SLC7A1: variants seen among roughly 807,000 people sequenced by gnomAD.
SLC7A1 encodes the protein high affinity cationic amino acid transporter 1.
A neutral mutation model predicts 53.9 loss-of-function variants in SLC7A1; 10 were observed. That is an observed-to-expected ratio of 0.19 (90% confidence interval 0.11 to 0.31). SLC7A1 has a LOEUF of 0.31. SLC7A1 is among the 10% of genes least tolerant of loss of function. The pLI, the probability that SLC7A1 is intolerant of heterozygous loss-of-function variation, is 1.00. For missense variants in SLC7A1, 525 were observed against 827.2 expected (o/e 0.63, Z 4.48); for synonymous variants, 342 against 338.7 (o/e 1.01, Z -0.11).
chr13:29,563,152 G>C (rs960412658), intron 1 of SLC7A1, among the ~76,000 whole-genome samples: 2 of 152,228 alleles, frequency 1.3e-5, no homozygotes, highest in African/African-American at 2.4e-5. Context: ...CTCTGTCCCT[G>C]AAGGACATCT....
chr13:29,536,163 A>G lies in SLC7A1; in HGVS notation c.26T>C (p.Ile9Thr), dbSNP rs370398460. ...CTTCCGCCGCAGCATCTGCTGCCCA[A>G]TGTTGAGCAGGACTTTGCACCCCAT... Reference protein sequence around the residue: MGCKVLLNIGQQMLRRKVV... With the variant: MGCKVLLNTGQQMLRRKVV... The change falls in exon 3 of 13, where the codon ATT (isoleucine) becomes ACT (threonine). Residue 9 changes from isoleucine (I) to threonine (T), a missense_variant. By Grantham distance (89) the Ile-to-Thr change is moderately conservative (BLOSUM62 -1). This residue lies in a region of SLC7A1 where 354 missense variants were observed against 587.5 expected (regional missense o/e 0.60). Transcript: ENST00000380752. 2.0e-5 allele frequency: 33 copies of G among 1,613,722 alleles called. No individual in the cohort carries two copies. The highest frequency in any genetic ancestry group is 2.7e-5 in the Non-Finnish European group (32 of 1,179,920).
intron 1 of SLC7A1, among the ~76,000 whole-genome samples, chr13:29,580,635 G>A (rs983894723): frequency 6.6e-6 from 1 of 152,166 alleles, no homozygotes; most frequent in Non-Finnish European, 1.5e-5. Context: ...CTCCAGCAAG[G>A]TGATGAGTGC....
intron 1 of SLC7A1, among the ~76,000 whole-genome samples, chr13:29,573,080 A>G (rs1871268146): frequency 6.6e-6 from 1 of 152,214 alleles, no homozygotes; most frequent in Non-Finnish European, 1.5e-5. Context: ...GAAAAATGTA[A>G]ATGGTTTATT....
intron 1 of SLC7A1, among the ~76,000 whole-genome samples, chr13:29,585,146 C>G (rs1031896054): frequency 6.6e-6 from 1 of 152,210 alleles, no homozygotes; most frequent in East Asian, 1.9e-4. Flanking sequence ...TACTCACTTT[C>G]TTGGGCATCA....
intron 1 of SLC7A1, among the ~76,000 whole-genome samples, chr13:29,564,001 G>A (rs1220557629): frequency 2.6e-5 from 4 of 152,188 alleles, no homozygotes; most frequent in Non-Finnish European, 5.9e-5. Context: ...TAAGCTCGGA[G>A]AGCTGGAAGG....
rs75759022 is a variant in SLC7A1, at chr13:29,517,299, T to C, written c.1522A>G (p.Ile508Val). The C allele has an allele frequency of 2.2e-3, 3,505 of 1,610,986 alleles. 65 individuals are homozygous for C. In the African/African-American group the frequency reaches 0.043, roughly 20 times the overall value. ...ISTSLIAVLI[I>V]TFCIVTVLGR... The stretch of plus-strand genomic sequence containing the variant: ...AGCACGGTCACAATGCAGAAGGTGA[T>C]GATGAGAACAGCTAAGGGGGAAGGA... Residue 508 changes from isoleucine to valine, a missense_variant, in exon 11 of 13, where the codon ATC (isoleucine) becomes GTC (valine). By Grantham distance (29) the Ile-to-Val change is conservative. Coordinates refer to ENST00000380752, the MANE Select transcript of SLC7A1 (RefSeq NM_003045.5).
rs2139052833 is a variant in SLC7A1, at chr13:29,509,913, C to T, written c.*4567G>A. ...TTGAAGCTGAAAGGCACAACTTAAGCAGGAAACTTATCATCTTAAATATAT... is the reference window on the plus strand; with the variant it reads ...TTGAAGCTGAAAGGCACAACTTAAGTAGGAAACTTATCATCTTAAATATAT... On this transcript the variant is annotated 3_prime_UTR_variant, in exon 13 of 13. Coordinates refer to ENST00000380752, the MANE Select transcript of SLC7A1 (RefSeq NM_003045.5). The T allele has an allele frequency of 6.5e-6, 1 of 152,678 alleles. No homozygotes were observed. The highest frequency in any genetic ancestry group is 2.1e-4 in the South Asian group (1 of 4,820). 9.5% of individuals were successfully genotyped at this position (152,678 alleles called of 1,614,324 possible).
At chr13:29,594,859 G>A (rs1448566310) in intron 1 of SLC7A1, among the ~76,000 whole-genome samples, 1 of 152,176 alleles carries the variant, frequency 6.6e-6, no homozygotes, top group Non-Finnish European at 1.5e-5. Flanking sequence ...TGGCAGCAGA[G>A]TCCCTGGGCC....
chr13:29,524,231 C>T lies in SLC7A1; in HGVS notation c.727G>A (p.Gly243Ser), dbSNP rs373123314. ...CCGAAGGGCATGAATCCACCAACACCGGGCTTCCCTTCTTTTGTGTCACTA... is the reference window on the plus strand; with the variant it reads ...CCGAAGGGCATGAATCCACCAACACTGGGCTTCCCTTCTTTTGTGTCACTA... ...LNNDTKEGKP[G>S]VGGFMPFGFS... The change falls in exon 6 of 13, where the codon GGT (glycine) becomes AGT (serine). Residue 243 changes from glycine (G) to serine (S), a missense_variant. By Grantham distance (56) the Gly-to-Ser change is moderately conservative. This residue lies in a region of SLC7A1 where 354 missense variants were observed against 587.5 expected (regional missense o/e 0.60). Coordinates refer to ENST00000380752, the MANE Select transcript of SLC7A1 (RefSeq NM_003045.5). 7 of 1,614,054 alleles carry T rather than the reference C, an allele frequency of 4.3e-6. No individual in the cohort carries two copies. The highest frequency in any genetic ancestry group is 2.2e-5 in the East Asian group (1 of 44,896).
intron 1 of SLC7A1, among the ~76,000 whole-genome samples, chr13:29,583,523 C>T (rs1029768668): frequency 6.6e-6 from 1 of 152,216 alleles, no homozygotes; most frequent in African/African-American, 2.4e-5. Context: ...TGCAGGGTGA[C>T]TCAGCAAGAC....
At chr13:29,592,279 G>A (rs1872143158) in intron 1 of SLC7A1, among the ~76,000 whole-genome samples, 1 of 152,172 alleles carries the variant, frequency 6.6e-6, no homozygotes, top group African/African-American at 2.4e-5. Flanking sequence ...AATAACTAGA[G>A]GAAAAAAGCC....
intron 1 of SLC7A1, among the ~76,000 whole-genome samples, chr13:29,577,459 A>G (rs937933073): frequency 6.6e-6 from 1 of 152,216 alleles, no homozygotes; most frequent in Admixed American, 6.5e-5. Context: ...AAGTGACACT[A>G]ACTGAAGAGT....
At chr13:29,570,623 G>A (rs1252152712) in intron 1 of SLC7A1, among the ~76,000 whole-genome samples, 8 of 152,168 alleles carry the variant, frequency 5.3e-5, no homozygotes, top group African/African-American at 9.7e-5. Context: ...CAAGTCAGGC[G>A]GATGGATGGC....
At chr13:29,572,139 T>TG (rs2139168947) in intron 1 of SLC7A1, among the ~76,000 whole-genome samples, 1 of 152,190 alleles carries the variant, frequency 6.6e-6, no homozygotes, top group African/African-American at 2.4e-5. Context: ...AAAACGCAGG[T>TG]GGTGAGGGTG....
chr13:29,570,622 C>T (rs1259860887), intron 1 of SLC7A1, among the ~76,000 whole-genome samples: 3 of 152,086 alleles, frequency 2.0e-5, no homozygotes, highest in Admixed American at 6.6e-5. Flanking sequence ...CCAAGTCAGG[C>T]GGATGGATGG....
At position 29,519,451 on chromosome 13, in the gene SLC7A1, A is replaced by G. The variant is rs1201833371; in HGVS notation, c.1288T>C (p.Leu430=). ...ACCCCCAAAAGCCATACATACCGTA[A>G]GACCAACACACAGGCAGCCACCAAC... ...YSLVAACVLV[L]RYQPEQPNLV... is the part of the protein sequence containing the mutation. The change falls in exon 9 of 13, where the codon TTA becomes CTA. Residue 430 remains leucine (L), a synonymous_variant. Transcript: ENST00000380752. 1 of 1,603,592 alleles carries G rather than the reference A, an allele frequency of 6.2e-7. No homozygotes were observed. Among genetic ancestry groups the G allele is most frequent in the East Asian group, 2.2e-5 (1 of 44,800 alleles).
intron 1 of SLC7A1, among the ~76,000 whole-genome samples, chr13:29,584,936 C>T (rs538949676): frequency 3.9e-5 from 6 of 152,304 alleles, no homozygotes; most frequent in African/African-American, 7.2e-5. Context: ...GGTTCTTCGT[C>T]GCATCACGCT....
chr13:29,518,829 C>T (rs1174053168), intron 9 of SLC7A1, among the ~76,000 whole-genome samples: 1 of 152,056 alleles, frequency 6.6e-6, no homozygotes, highest in Admixed American at 6.5e-5. Flanking sequence ...CAGGGATGTG[C>T]TTTGGGAGTG....
At chr13:29,561,280 C>T (rs1870741890) in intron 1 of SLC7A1, among the ~76,000 whole-genome samples, 1 of 152,186 alleles carries the variant, frequency 6.6e-6, no homozygotes, top group South Asian at 2.1e-4. Context: ...GGTGCTCCTT[C>T]CCAGCAGGAG....
Sources: allele counts gnomAD v4.1 joint callset (sites outside exome capture counted in the v4.1 genomes callset), GRCh38; gene constraint gnomAD v4.1.1; regional missense constraint gnomAD v4.1.1; transcripts MANE v1.5; gene names NCBI Gene and HGNC (gene_info 2026-07-23, HGNC 2026-07-21).